Variants in VPS13B observed in about 807,000 individuals in gnomAD.
The protein encoded by VPS13B is vacuolar protein sorting 13 homolog B.
VPS13B carries 285 observed loss-of-function variants against 426.4 expected under a neutral mutation model. The ratio of observed to expected loss-of-function variants is 0.67; its 90% CI spans 0.61 to 0.74. The LOEUF is 0.74. VPS13B is among the 30% of genes least tolerant of loss of function. The pLI, the probability that VPS13B is intolerant of heterozygous loss-of-function variation, is 0.00. For synonymous variants in VPS13B, 1,676 were observed against 1,676.4 expected, an observed-to-expected ratio of 1.00 and a Z score of 0.01; for missense variants, 4,537 against 4,782.6, an observed-to-expected ratio of 0.95 and a Z score of 1.51.
chr8:99,278,893 G>T (rs1819028311), intron 19 of VPS13B, among the ~76,000 whole-genome samples: 1 of 152,134 alleles, frequency 6.6e-6, no homozygotes, highest in South Asian at 2.1e-4. Context: ...GGAGCTGAAG[G>T]CTCTTATTAG....
rs1402401880 is a variant in VPS13B at position 99,876,295 on chromosome 8, G to GTGCT, written c.*630_*633dup. The GTGCT allele has an allele frequency of 6.5e-6, 1 of 153,524 alleles. No homozygotes were observed. Among genetic ancestry groups the GTGCT allele is most frequent in the African/African-American group, 2.4e-5 (1 of 41,436 alleles). 9.5% of individuals were successfully genotyped at this position (153,524 alleles called of 1,614,324 possible). A position where few individuals can be genotyped will look rare whatever the true frequency, so the allele number is the denominator to read the frequency against. On this transcript the variant is annotated 3_prime_UTR_variant, in exon 62 of 62. Transcript: ENST00000357162. The stretch of plus-strand genomic sequence containing the variant: ...TTGTTACATTTGTCATTTAACTGCA[G>GTGCT]TGCTATTCTTTGAAAGCTGCTATGT...
chr8:99,660,587 G>A (rs1277401422), intron 34 of VPS13B, among the ~76,000 whole-genome samples: 2 of 151,924 alleles, frequency 1.3e-5, no homozygotes, highest in African/African-American at 4.8e-5. Flanking sequence ...TACAGCAGTC[G>A]TTTTTATTTA....
intron 3 of VPS13B, among the ~76,000 whole-genome samples, chr8:99,069,943 A>G (rs558792393): frequency 6.6e-6 from 1 of 152,190 alleles, no homozygotes; most frequent in Non-Finnish European, 1.5e-5. Flanking sequence ...TGCTCTGTCC[A>G]CTCAGGCAGG....
At chr8:99,398,182 T>C (rs1183583313) in intron 21 of VPS13B, among the ~76,000 whole-genome samples, 1 of 152,200 alleles carries the variant, frequency 6.6e-6, no homozygotes, top group Non-Finnish European at 1.5e-5. Flanking sequence ...ATATGGATCA[T>C]AGTGGAAGCC....
chr8:99,616,027 T>C (rs1828070418), intron 33 of VPS13B, among the ~76,000 whole-genome samples: 1 of 152,154 alleles, frequency 6.6e-6, no homozygotes, highest in African/African-American at 2.4e-5. Flanking sequence ...GTTAAAAATC[T>C]CCTCTACAGA....
At chr8:99,425,450 A>G (rs552846761) in intron 21 of VPS13B, among the ~76,000 whole-genome samples, 2 of 152,342 alleles carry the variant, frequency 1.3e-5, no homozygotes, top group South Asian at 2.1e-4. Context: ...TATAAACAGA[A>G]CCAAAGACAA....
At chr8:99,180,993 G>C (rs1482307650) in intron 16 of VPS13B, among the ~76,000 whole-genome samples, 4 of 152,148 alleles carry the variant, frequency 2.6e-5, no homozygotes, top group Non-Finnish European at 5.9e-5. Context: ...CTTTTCTGCT[G>C]TACAGCTTGA....
intron 17 of VPS13B, among the ~76,000 whole-genome samples, chr8:99,210,577 A>G (rs1343657115): frequency 6.6e-6 from 1 of 152,192 alleles, no homozygotes; most frequent in Non-Finnish European, 1.5e-5. Context: ...GTTGAACAAT[A>G]AACTTACATT....
At chr8:99,147,711 A>T in intron 13 of VPS13B, 130 bp from the exon 14 acceptor site, 1 of 465,522 alleles carries the variant, frequency 2.1e-6, no homozygotes, top group Non-Finnish European at 3.3e-6. Flanking sequence ...TTATTATTTT[A>T]TACCTGCTTC....
intron 17 of VPS13B, chr8:99,233,161 C>G (rs1816440648): frequency 7.1e-7 from 1 of 1,404,784 alleles, no homozygotes; most frequent in African/African-American, 1.4e-5. Context: ...AAAGAAGTGC[C>G]CGATAATTCT....
At chr8:99,758,960 G>T (rs191342380) in intron 39 of VPS13B, among the ~76,000 whole-genome samples, 1 of 152,200 alleles carries the variant, frequency 6.6e-6, no homozygotes, top group Non-Finnish European at 1.5e-5. Context: ...TGTTCTCCTT[G>T]CTCACCAGTG....
At chr8:99,096,276 G>A (rs560863268) in intron 3 of VPS13B, 36 bp from the exon 4 acceptor site, 25 of 1,611,532 alleles carry the variant, frequency 1.6e-5, no homozygotes, top group East Asian at 1.1e-4. Flanking sequence ...GAGTATGATC[G>A]ATGGTTTTCT....
rs6468689 is a variant in VPS13B at position 99,480,366 on chromosome 8, G to A, written c.3667-1233G>A. Reference sequence around the variant, plus strand: ...GGAATCAGAAGTAGTGACAATAAAAGCAGCATCATTTCTCTTAAATAAATA... The same window carrying A: ...GGAATCAGAAGTAGTGACAATAAAAACAGCATCATTTCTCTTAAATAAATA... On this transcript the variant is annotated intron_variant, in intron 24 of 61. Coordinates refer to ENST00000357162, the MANE Select transcript of VPS13B (RefSeq NM_152564.5). Among the ~76,000 whole-genome samples the A allele has an allele frequency of 8.2e-3, 1,252 of 152,258 alleles. 16 individuals are homozygous for A. The highest frequency in any genetic ancestry group is 0.029 in the African/African-American group (1,185 of 41,550).
Position 99,111,384 on chromosome 8 carries a change from ATATG to A in VPS13B, c.762+110_762+113del. 4 of 879,922 alleles carry A rather than the reference ATATG, an allele frequency of 4.5e-6. No homozygotes were observed. In the Admixed American group the frequency reaches 8.2e-5, roughly 18 times the overall value. 54.5% of individuals were successfully genotyped at this position (879,922 alleles called of 1,614,324 possible). A position where few individuals can be genotyped will look rare whatever the true frequency, so the allele number is the denominator to read the frequency against. Reference sequence around the variant, plus strand: ...ACAAATGAAGAAATTAACCTTGTAAATATGTATGCCATTTGTTTTTATAAAAATT... The same window carrying A: ...ACAAATGAAGAAATTAACCTTGTAAATATGCCATTTGTTTTTATAAAAATT... On this transcript the variant is annotated intron_variant, in intron 6 of 61. Transcript: ENST00000357162.
At chr8:99,800,098 C>T (rs1813046142) in intron 43 of VPS13B, among the ~76,000 whole-genome samples, 1 of 152,134 alleles carries the variant, frequency 6.6e-6, no homozygotes, top group South Asian at 2.1e-4. Context: ...ATCAGAATCT[C>T]CTGGTTGTTG....
chr8:99,263,481 G>A (rs1818152890), intron 17 of VPS13B, among the ~76,000 whole-genome samples: 1 of 152,120 alleles, frequency 6.6e-6, no homozygotes, highest in Admixed American at 6.6e-5. Context: ...CTAAAATCAA[G>A]GTGTCAGTTG....
intron 19 of VPS13B, among the ~76,000 whole-genome samples, chr8:99,362,025 G>A (rs996116723): frequency 6.6e-5 from 10 of 151,900 alleles, no homozygotes; most frequent in Non-Finnish European, 1.3e-4. Context: ...TGACTCCAAA[G>A]TCTTCTGCTC....
intron 39 of VPS13B, among the ~76,000 whole-genome samples, chr8:99,734,678 A>C (rs1235649745): frequency 6.6e-6 from 1 of 152,224 alleles, no homozygotes; most frequent in Non-Finnish European, 1.5e-5. Flanking sequence ...CCAATTACAG[A>C]GGAAAGGATG....
intron 8 of VPS13B, among the ~76,000 whole-genome samples, chr8:99,124,695 G>A (rs907054597): frequency 6.6e-6 from 1 of 151,892 alleles, no homozygotes; most frequent in Non-Finnish European, 1.5e-5. Flanking sequence ...GACCAGCCTG[G>A]CCAACATGTT....
Sources: gnomAD v4.1 joint callset for allele counts (sites outside exome capture counted in the v4.1 genomes callset) on GRCh38, gnomAD v4.1.1 for gene constraint, MANE v1.5 for transcripts, NCBI Gene and HGNC (gene_info 2026-07-23, HGNC 2026-07-21) for gene names.